EPB41L5: variants seen among roughly 807,000 people sequenced by gnomAD.
The protein encoded by EPB41L5 is band 4.1-like protein 5.
A neutral mutation model predicts 106.6 loss-of-function variants in EPB41L5; 55 were observed. The ratio of observed to expected loss-of-function variants is 0.52; its 90% CI spans 0.42 to 0.65. The LOEUF is 0.65. Ranked by LOEUF, EPB41L5 falls within the 30% of genes least tolerant of loss-of-function variation. The probability of loss-of-function intolerance (pLI) is 0.00; values close to 1 mark genes in which losing one functional copy is unlikely to be tolerated. For synonymous variants in EPB41L5, 297 were observed against 306.7 expected, an observed-to-expected ratio of 0.97 and a Z score of 0.33; for missense variants, 871 against 882.1, an observed-to-expected ratio of 0.99 and a Z score of 0.16.
intron 2 of EPB41L5, among the ~76,000 whole-genome samples, chr2:120,028,391 C>T (rs1450240883): frequency 6.6e-6 from 1 of 151,864 alleles, no homozygotes; most frequent in African/African-American, 2.4e-5. Flanking sequence ...AGAAATTAGC[C>T]AGGTGTCATG....
chr2:120,121,694 G>A (rs1416214665), intron 16 of EPB41L5, among the ~76,000 whole-genome samples: 1 of 152,112 alleles, frequency 6.6e-6, no homozygotes, highest in East Asian at 1.9e-4. Flanking sequence ...ATAATCCTTT[G>A]GGTATATACC....
At chr2:120,056,774 A>C (rs902094198) in intron 3 of EPB41L5, among the ~76,000 whole-genome samples, 11 of 151,388 alleles carry the variant, frequency 7.3e-5, no homozygotes, top group Non-Finnish European at 1.6e-4. Context: ...GTGAAGGATT[A>C]GTGTTAATTC....
At chr2:120,021,452 G>A (rs545570211) in intron 2 of EPB41L5, among the ~76,000 whole-genome samples, 2 of 152,072 alleles carry the variant, frequency 1.3e-5, no homozygotes, top group African/African-American at 2.4e-5. Context: ...AGACCAGTCT[G>A]GCCAACATAG....
rs772357182 is a variant in EPB41L5, at chr2:120,091,662, G to C, written c.1150+1G>C. 1 of 1,602,132 alleles carries C rather than the reference G, an allele frequency of 6.2e-7. No individual in the cohort carries two copies. Among genetic ancestry groups the C allele is most frequent in the Non-Finnish European group, 8.5e-7 (1 of 1,169,628 alleles). On this transcript the variant is annotated splice_donor_variant, in intron 13 of 24. Coordinates refer to ENST00000263713, the MANE Select transcript of EPB41L5 (RefSeq NM_020909.4). LOFTEE classifies it high-confidence loss of function. ...TCTAGACGAACTCTACAAATGAAAG[G>C]TGAAGTGCAACCCTCTTTCAAAGGA...
At chr2:120,098,500 A>C (rs1370316068) in intron 14 of EPB41L5, among the ~76,000 whole-genome samples, 1 of 152,156 alleles carries the variant, frequency 6.6e-6, no homozygotes, top group Non-Finnish European at 1.5e-5. Context: ...GGCATGAGCC[A>C]CCATGCCTCA....
intron 3 of EPB41L5, among the ~76,000 whole-genome samples, chr2:120,071,435 C>T (rs1681858466): frequency 6.7e-6 from 1 of 150,154 alleles, no homozygotes; most frequent in South Asian, 2.1e-4. Context: ...AGTGGTATCC[C>T]CATCAAGCTA....
rs35837378 is a variant in EPB41L5, at chr2:120,120,431, C to CAA, written c.1338-7240_1338-7239dup. On this transcript the variant is annotated intron_variant, in intron 16 of 24. Coordinates refer to ENST00000263713, the MANE Select transcript of EPB41L5 (RefSeq NM_020909.4). Reference sequence around the variant, plus strand: ...TGGGTGACAGAGCGACACTCAATCTCAAAAAAAAAAAAAAAAAAGGAACAA... The same window carrying CAA: ...TGGGTGACAGAGCGACACTCAATCTCAAAAAAAAAAAAAAAAAAAAGGAACAA... 3.5e-3 allele frequency among the ~76,000 whole-genome samples: 325 copies of CAA among 92,392 alleles called. 7 individuals carry two copies. Among genetic ancestry groups the CAA allele is most frequent in the South Asian group, 7.9e-3 (19 of 2,396 alleles). The allele number at this position is 92,392 out of a possible 152,430, so 60.6% of individuals were successfully genotyped here. A position where few individuals can be genotyped will look rare whatever the true frequency, so the allele number is the denominator to read the frequency against.
chr2:120,048,872 T>G (rs1000153161), intron 3 of EPB41L5, among the ~76,000 whole-genome samples: 8 of 152,216 alleles, frequency 5.3e-5, no homozygotes, highest in African/African-American at 1.9e-4. Context: ...TGTGTCTTTG[T>G]TCTCATTGAT....
rs183266485 is a variant in EPB41L5 at position 120,137,426 on chromosome 2, T to G, written c.1600-5577T>G. Among the ~76,000 whole-genome samples the G allele has an allele frequency of 4.0e-3, 609 of 152,002 alleles. 3 individuals carry two copies. Among genetic ancestry groups the G allele is most frequent in the Non-Finnish European group, 6.1e-3 (412 of 67,902 alleles). On this transcript the variant is annotated intron_variant, in intron 18 of 24. Coordinates refer to ENST00000263713, the MANE Select transcript of EPB41L5 (RefSeq NM_020909.4). Reference sequence around the variant, plus strand: ...ACAAAAGATCAATAAAATAAAAAGTTGCTTTGTGAAAAGATAAACAAAATG... The same window carrying G: ...ACAAAAGATCAATAAAATAAAAAGTGGCTTTGTGAAAAGATAAACAAAATG...
At chr2:120,031,372 A>G (rs532345709) in intron 2 of EPB41L5, among the ~76,000 whole-genome samples, 8 of 152,314 alleles carry the variant, frequency 5.3e-5, no homozygotes, top group Admixed American at 1.3e-4. Flanking sequence ...GATGAACTTA[A>G]TCATTGCAAA....
intron 16 of EPB41L5, chr2:120,106,192 T>C (rs17612883): frequency 0.065 from 64,064 of 985,250 alleles, 2,285 homozygotes; most frequent in Non-Finnish European, 0.072. Context: ...AAAGAATTGA[T>C]TTGCGAATTC....
chr2:120,138,833 TC>T (rs1227677643), intron 18 of EPB41L5, among the ~76,000 whole-genome samples: 5 of 151,778 alleles, frequency 3.3e-5, no homozygotes, highest in Non-Finnish European at 7.4e-5. Context: ...AAAAAAATAA[TC>T]TAAAATTTAT....
At chr2:120,030,391 A>T (rs1447327433) in intron 2 of EPB41L5, among the ~76,000 whole-genome samples, 1 of 152,140 alleles carries the variant, frequency 6.6e-6, no homozygotes, top group Non-Finnish European at 1.5e-5. Flanking sequence ...CCTGCACTGG[A>T]TGGATCAGCT....
chr2:120,078,699 G>T, intron 10 of EPB41L5, 118 bp downstream of exon 10: 2 of 612,994 alleles, frequency 3.3e-6, no homozygotes, highest in East Asian at 3.1e-5. Context: ...GTCAATGAAA[G>T]CAACTGTCTC....
intron 16 of EPB41L5, among the ~76,000 whole-genome samples, chr2:120,115,473 C>T (rs1205779948): frequency 2.0e-5 from 3 of 152,130 alleles, no homozygotes; most frequent in African/African-American, 7.2e-5. Flanking sequence ...GGCACGATCT[C>T]GGCTCACTGC....
chr2:120,110,228 A>G (rs1240590686), intron 16 of EPB41L5, among the ~76,000 whole-genome samples: 1 of 152,210 alleles, frequency 6.6e-6, no homozygotes, highest in African/African-American at 2.4e-5. Context: ...CACCTAGCTT[A>G]GAGATGTCAC....
chr2:120,161,527 A>G (rs1005266798), intron 21 of EPB41L5, among the ~76,000 whole-genome samples: 25 of 152,166 alleles, frequency 1.6e-4, no homozygotes, highest in Admixed American at 1.4e-3. Context: ...AATGTTGGCT[A>G]TGCTTTCACT....
At chr2:120,042,695 T>C (rs576300603) in intron 3 of EPB41L5, among the ~76,000 whole-genome samples, 1 of 152,072 alleles carries the variant, frequency 6.6e-6, no homozygotes, top group Non-Finnish European at 1.5e-5. Flanking sequence ...ATGAAAACAT[T>C]GGGAGGTGGT....
chr2:120,102,769 T>A (rs1410408637), intron 16 of EPB41L5, among the ~76,000 whole-genome samples: 2 of 152,212 alleles, frequency 1.3e-5, no homozygotes, highest in African/African-American at 4.8e-5. Flanking sequence ...AGCAAATGAT[T>A]TGGCATATCA....
Sources: allele counts gnomAD v4.1 joint callset (sites outside exome capture counted in the v4.1 genomes callset), GRCh38; gene constraint gnomAD v4.1.1; transcripts MANE v1.5; gene names NCBI Gene and HGNC (gene_info 2026-07-23, HGNC 2026-07-21).